Variants in NFAM1 observed in about 807,000 individuals in gnomAD.
NFAM1 encodes the protein NFAT activation molecule 1.
NFAM1 carries 17 observed loss-of-function variants against 29.0 expected under a neutral mutation model. The ratio of observed to expected loss-of-function variants is 0.59; its 90% CI spans 0.40 to 0.88. The LOEUF is 0.88. Among genes scored for constraint, NFAM1 ranks in the 40% least tolerant of loss-of-function variants. NFAM1 has a pLI of 0.00. For missense variants in NFAM1, 324 were observed against 344.6 expected, an observed-to-expected ratio of 0.94 and a Z score of 0.47; for synonymous variants, 175 against 147.2, an observed-to-expected ratio of 1.19 and a Z score of -1.36.
chr22:42,386,522 C>T (rs1208525583), intron 5 of NFAM1, among the ~76,000 whole-genome samples: 1 of 152,094 alleles, frequency 6.6e-6, no homozygotes, highest in African/African-American at 2.4e-5. Context: ...GCCAGCCCAG[C>T]TTCTACCAGC....
intron 3 of NFAM1, among the ~76,000 whole-genome samples, chr22:42,404,291 C>T (rs972209754): frequency 2.6e-5 from 4 of 152,102 alleles, no homozygotes; most frequent in Non-Finnish European, 2.9e-5. Context: ...TTCGGGTCCA[C>T]CCTCTGCCAC....
At chr22:42,401,231 G>C (rs776235993) in intron 3 of NFAM1, among the ~76,000 whole-genome samples, 36 of 152,232 alleles carry the variant, frequency 2.4e-4, no homozygotes, top group Non-Finnish European at 4.7e-4. Flanking sequence ...CCCAGTCTAA[G>C]AAGGTATCTT....
chr22:42,403,742 C>T (rs1929802260), intron 3 of NFAM1, among the ~76,000 whole-genome samples: 1 of 152,226 alleles, frequency 6.6e-6, no homozygotes, highest in African/African-American at 2.4e-5. Context: ...GGGCAGGGAA[C>T]AGGCCGAGAG....
At chr22:42,423,433 A>G (rs1267817841) in intron 1 of NFAM1, among the ~76,000 whole-genome samples, 1 of 152,144 alleles carries the variant, frequency 6.6e-6, no homozygotes, top group African/African-American at 2.4e-5. Context: ...ACAGAGTGAA[A>G]CATGTTCACT....
chr22:42,415,534 C>T (rs560395327), intron 1 of NFAM1, among the ~76,000 whole-genome samples: 3 of 152,100 alleles, frequency 2.0e-5, no homozygotes, highest in East Asian at 3.9e-4. Context: ...CTCCTGACCT[C>T]GTGATCTGCC....
chr22:42,432,365 C>T lies in NFAM1; in HGVS notation c.-8G>A, dbSNP rs538344386. The T allele has an allele frequency of 5.1e-6, 8 of 1,562,438 alleles. No individual in the cohort carries two copies. The highest frequency in any genetic ancestry group is 1.7e-4 in the Middle Eastern group (1 of 5,866). ...CACAGGCTGGTTCTCCATCTGGGGG[C>T]CTGCTTGTCTGCGGCGACTCTTTAG... On this transcript the variant is annotated 5_prime_UTR_variant, in exon 1 of 6. Coordinates refer to ENST00000329021, the MANE Select transcript of NFAM1 (RefSeq NM_145912.8).
chr22:42,432,406 G>A (rs375756847), upstream of NFAM1: 55 of 1,490,590 alleles, frequency 3.7e-5, no homozygotes, highest in African/African-American at 6.4e-4. Context: ...AGGAGGGGAC[G>A]GCCGGCGCTG....
intron 2 of NFAM1, among the ~76,000 whole-genome samples, chr22:42,411,013 T>C (rs970321940): frequency 1.1e-4 from 14 of 131,258 alleles, no homozygotes; most frequent in African/African-American, 4.8e-4. Context: ...CTATTTCTTT[T>C]CTTTTCTTTT....
At chr22:42,423,348 G>C (rs1020995307) in intron 1 of NFAM1, among the ~76,000 whole-genome samples, 1 of 152,032 alleles carries the variant, frequency 6.6e-6, no homozygotes, top group Non-Finnish European at 1.5e-5. Flanking sequence ...TTCCTGGGAA[G>C]GCAACTCTTG....
upstream of NFAM1, among the ~76,000 whole-genome samples, chr22:42,434,599 CA>C (rs1259526034): frequency 6.6e-6 from 1 of 152,230 alleles, no homozygotes; most frequent in Admixed American, 6.5e-5. Context: ...CCTCGGGAGC[CA>C]GGGGGATAGA....
rs1297160358 is a variant in NFAM1 at position 42,388,626 on chromosome 22, G to C, written c.664-1548C>G. Among the ~76,000 whole-genome samples, 1 of 152,166 alleles carries C rather than the reference G, an allele frequency of 6.6e-6. No homozygotes were observed. Among genetic ancestry groups the C allele is most frequent in the Non-Finnish European group, 1.5e-5 (1 of 68,024 alleles). Reference sequence around the variant, plus strand: ...GCTGGAGAGACAGGTGGTGCTCAGAGGCAGGAGGAGGGCGGGAGGCGGGAG... The same window carrying C: ...GCTGGAGAGACAGGTGGTGCTCAGACGCAGGAGGAGGGCGGGAGGCGGGAG... On this transcript the variant is annotated intron_variant, in intron 4 of 5. Coordinates refer to ENST00000329021, the MANE Select transcript of NFAM1 (RefSeq NM_145912.8). This position sits in a 1 kb window ranked among gnomAD's most constrained non-coding sequence, Gnocchi z 4.1.
intron 4 of NFAM1, among the ~76,000 whole-genome samples, chr22:42,387,847 C>T (rs1929204334): frequency 6.6e-6 from 1 of 152,230 alleles, no homozygotes; most frequent in Non-Finnish European, 1.5e-5. Flanking sequence ...GCCCAAGCCT[C>T]CTCCCAGGAA....
upstream of NFAM1, among the ~76,000 whole-genome samples, chr22:42,435,559 C>A (rs868375838): frequency 5.3e-5 from 8 of 152,118 alleles, no homozygotes; most frequent in Middle Eastern, 3.4e-3. Flanking sequence ...GTTGGTCAGG[C>A]TGGTCTCGAA....
chr22:42,424,288 G>A (rs572628548), intron 1 of NFAM1, among the ~76,000 whole-genome samples: 2 of 152,046 alleles, frequency 1.3e-5, no homozygotes, highest in East Asian at 1.9e-4. Context: ...GGTGGCAGGC[G>A]CCTGTAGTCC....
intron 1 of NFAM1, among the ~76,000 whole-genome samples, chr22:42,423,868 G>A (rs1482249164): frequency 6.6e-6 from 1 of 151,986 alleles, no homozygotes; most frequent in East Asian, 1.9e-4. Context: ...TTACAGGCAT[G>A]TGCCACCACA....
intron 3 of NFAM1, among the ~76,000 whole-genome samples, chr22:42,402,594 G>A (rs988567384): frequency 2.0e-5 from 3 of 152,146 alleles, no homozygotes; most frequent in African/African-American, 7.2e-5. Flanking sequence ...ACCAAGAGGC[G>A]GAGTGTGCTG....
chr22:42,387,429 G>T (rs1171655484), intron 4 of NFAM1, among the ~76,000 whole-genome samples: 1 of 151,852 alleles, frequency 6.6e-6, no homozygotes, highest in Non-Finnish European at 1.5e-5. Context: ...GCTCTTAAGG[G>T]CTTGGCAGCC....
At position 42,380,689 on chromosome 22, in the gene NFAM1, A is replaced by C. The variant is rs1928914519; in HGVS notation, c.*4472T>G. Reference sequence around the variant, plus strand: ...AGCCAACGGCCCACCTCTCCTGCATAAGCTGTCTGCCAAGAAAACTATTGA... The same window carrying C: ...AGCCAACGGCCCACCTCTCCTGCATCAGCTGTCTGCCAAGAAAACTATTGA... On this transcript the variant is annotated 3_prime_UTR_variant, in exon 6 of 6. Transcript: ENST00000329021. The C allele has an allele frequency of 6.6e-6, 1 of 152,668 alleles. No homozygotes were observed. The highest frequency in any genetic ancestry group is 6.5e-5 in the Admixed American group (1 of 15,272). 9.5% of individuals were successfully genotyped at this position (152,668 alleles called of 1,614,324 possible). A position where few individuals can be genotyped will look rare whatever the true frequency, so the allele number is the denominator to read the frequency against.
At chr22:42,424,153 T>A (rs6002734) in intron 1 of NFAM1, among the ~76,000 whole-genome samples, 2 of 150,746 alleles carry the variant, frequency 1.3e-5, no homozygotes, top group Admixed American at 1.3e-4. Flanking sequence ...CGGTGGCTCA[T>A]GCCTGTAATC....
Sources: gnomAD v4.1 joint callset for allele counts (sites outside exome capture counted in the v4.1 genomes callset) on GRCh38, gnomAD v4.1.1 for gene constraint, Gnocchi (gnomAD v3.1) non-coding constraint, MANE v1.5 for transcripts, NCBI Gene and HGNC (gene_info 2026-07-23, HGNC 2026-07-21) for gene names.